SPIN1: variants seen among roughly 807,000 people sequenced by gnomAD.
SPIN1 encodes spindlin-1.
In SPIN1, 3 loss-of-function variants were observed where a neutral mutation model predicts 26.0. The observed-to-expected ratio is 0.12, with a 90% confidence interval of 0.05 to 0.30. SPIN1 has a LOEUF of 0.30. Ranked by LOEUF, SPIN1 falls within the 10% of genes least tolerant of loss-of-function variation. The pLI, the probability that SPIN1 is intolerant of heterozygous loss-of-function variation, is 1.00. For missense variants in SPIN1, 126 were observed against 333.4 expected (o/e 0.38, Z 4.84); for synonymous variants, 101 against 116.5 (o/e 0.87, Z 0.86).
At chr9:88,446,320 C>A (rs767878219) in intron 2 of SPIN1, among the ~76,000 whole-genome samples, 36 of 150,134 alleles carry the variant, frequency 2.4e-4, no homozygotes, top group Admixed American at 1.0e-3. Context: ...TAGACTGTTT[C>A]TATTTAGTTT....
intron 2 of SPIN1, among the ~76,000 whole-genome samples, chr9:88,438,407 C>T (rs1017668687): frequency 1.3e-5 from 2 of 152,142 alleles, no homozygotes; most frequent in African/African-American, 4.8e-5. Flanking sequence ...TGTTGTATGA[C>T]AGCATACACT....
intron 2 of SPIN1, among the ~76,000 whole-genome samples, chr9:88,436,622 T>G (rs960272839): frequency 2.0e-5 from 3 of 152,186 alleles, no homozygotes; most frequent in African/African-American, 7.2e-5. Context: ...TGGCAAGTGC[T>G]GATTTTTTAT....
intron 2 of SPIN1, among the ~76,000 whole-genome samples, chr9:88,438,513 G>A (rs1269289940): frequency 2.0e-5 from 3 of 152,124 alleles, no homozygotes; most frequent in Non-Finnish European, 2.9e-5. Flanking sequence ...AGAAAAGTTT[G>A]TATTCTGCTC....
chr9:88,393,341 G>C (rs1034085659), intron 1 of SPIN1, among the ~76,000 whole-genome samples: 1 of 148,744 alleles, frequency 6.7e-6, no homozygotes, highest in African/African-American at 2.5e-5. Context: ...GCTTGGGCCT[G>C]TCTGCAAATG....
chr9:88,396,108 G>A lies in SPIN1; in HGVS notation c.-159+7570G>A, dbSNP rs189973855. On this transcript the variant is annotated intron_variant, in intron 1 of 5. Coordinates refer to ENST00000375859, the MANE Select transcript of SPIN1 (RefSeq NM_006717.3). ...TACTAAGAATACAAAAATTGGCCAG[G>A]CATGGTGGCCTGCGCCTGTAATCCC... Among the ~76,000 whole-genome samples, 471 of 151,578 alleles carry A rather than the reference G, an allele frequency of 3.1e-3. 6 individuals are homozygous for A. Among genetic ancestry groups the A allele is most frequent in the Middle Eastern group, 0.01 (3 of 294 alleles).
chr9:88,440,045 T>C (rs1828087087), intron 2 of SPIN1, among the ~76,000 whole-genome samples: 1 of 152,196 alleles, frequency 6.6e-6, no homozygotes, highest in Non-Finnish European at 1.5e-5. Flanking sequence ...TGTTCTTTTT[T>C]CCAGTTTTTG....
intron 2 of SPIN1, among the ~76,000 whole-genome samples, chr9:88,437,702 G>A: frequency 6.6e-6 from 1 of 152,142 alleles, no homozygotes; most frequent in East Asian, 1.9e-4. Flanking sequence ...ATTTCCACAA[G>A]CAACTAGCTT....
intron 3 of SPIN1, 56 bp downstream of exon 3, chr9:88,449,045 C>T (rs1353422206): frequency 6.4e-7 from 1 of 1,561,724 alleles, no homozygotes; most frequent in Admixed American, 1.7e-5. Context: ...TGTTACGCAG[C>T]ATACAAGATC....
intron 3 of SPIN1, among the ~76,000 whole-genome samples, chr9:88,457,537 TAATA>T (rs1014101488): frequency 3.3e-5 from 5 of 151,740 alleles, no homozygotes; most frequent in African/African-American, 1.2e-4. Flanking sequence ...CAAAAAATAA[TAATA>T]AATAAAATAA....
At chr9:88,403,375 C>G (rs1051435082) in intron 1 of SPIN1, among the ~76,000 whole-genome samples, 1 of 152,120 alleles carries the variant, frequency 6.6e-6, no homozygotes, top group Admixed American at 6.6e-5. Flanking sequence ...TTGCTTTATA[C>G]ATTATCTTAT....
chr9:88,437,458 A>G (rs1422399337), intron 2 of SPIN1, among the ~76,000 whole-genome samples: 2 of 151,938 alleles, frequency 1.3e-5, no homozygotes, highest in African/African-American at 4.8e-5. Context: ...TGACCATGCT[A>G]CCACACTCCA....
intron 1 of SPIN1, among the ~76,000 whole-genome samples, chr9:88,391,166 A>G (rs1424512102): frequency 2.0e-5 from 3 of 152,186 alleles, no homozygotes; most frequent in Non-Finnish European, 4.4e-5. Context: ...AGTATGTTGA[A>G]GTTACTCAAA....
chr9:88,469,310 G>C (rs777642612), intron 5 of SPIN1, among the ~76,000 whole-genome samples: 3 of 152,184 alleles, frequency 2.0e-5, no homozygotes, highest in Non-Finnish European at 4.4e-5. Flanking sequence ...GCTGTGCGGC[G>C]TGGCCCCAGG....
intron 1 of SPIN1, among the ~76,000 whole-genome samples, chr9:88,405,836 A>G (rs145812245): frequency 4.7e-5 from 7 of 148,970 alleles, no homozygotes; most frequent in African/African-American, 1.7e-4. Flanking sequence ...GCTCCATTAT[A>G]ATTTTTTTTG....
chr9:88,447,017 C>G (rs775148441), intron 2 of SPIN1, among the ~76,000 whole-genome samples: 1 of 152,134 alleles, frequency 6.6e-6, no homozygotes, highest in Non-Finnish European at 1.5e-5. Context: ...ATTCCTCTCT[C>G]TGCTCTTTGT....
chr9:88,428,476 C>G (rs1351698666), intron 2 of SPIN1, among the ~76,000 whole-genome samples: 2 of 152,212 alleles, frequency 1.3e-5, no homozygotes, highest in Non-Finnish European at 2.9e-5. Context: ...ATAATGGCCT[C>G]TAGCTGCATC....
chr9:88,437,401 GGC>G (rs1479795033), intron 2 of SPIN1, among the ~76,000 whole-genome samples: 3 of 152,122 alleles, frequency 2.0e-5, no homozygotes, highest in African/African-American at 7.2e-5. Flanking sequence ...GGGAGGTTGA[GGC>G]GGGAGGATGG....
intron 4 of SPIN1, 118 bp downstream of exon 4, chr9:88,462,867 A>G: frequency 5.0e-6 from 6 of 1,201,800 alleles, no homozygotes; most frequent in Non-Finnish European, 6.8e-6. Context: ...ACCCTTCTTG[A>G]TAAACATTAT....
chr9:88,473,306 T>A (rs544282874), intron 5 of SPIN1, among the ~76,000 whole-genome samples: 2 of 152,060 alleles, frequency 1.3e-5, no homozygotes, highest in Non-Finnish European at 2.9e-5. Context: ...AGCAGAAGAA[T>A]CACTTGAACC....
Sources: allele counts gnomAD v4.1 joint callset (sites outside exome capture counted in the v4.1 genomes callset), GRCh38; gene constraint gnomAD v4.1.1; transcripts MANE v1.5; gene names NCBI Gene and HGNC (gene_info 2026-07-23, HGNC 2026-07-21).